ASPSCR1: variants seen among roughly 807,000 people sequenced by gnomAD.
ASPSCR1 encodes tether containing UBX domain for GLUT4.
Under a neutral mutation model 68.9 loss-of-function variants are expected in ASPSCR1, and 55 were observed. The observed-to-expected ratio is 0.80, with a 90% CI of 0.64 to 1.00. ASPSCR1 has a LOEUF of 1.00. Among genes scored for constraint, ASPSCR1 ranks in the 50% least tolerant of loss-of-function variants. The pLI, the probability that ASPSCR1 is intolerant of heterozygous loss-of-function variation, is 0.00. For synonymous variants in ASPSCR1, 352 were observed against 332.6 expected (o/e 1.06, Z -0.63); for missense variants, 765 against 762.2 (o/e 1.00, Z -0.04).
In ASPSCR1 at chr17:82,015,387, A is replaced by G. The variant is rs753383888; in HGVS notation, c.1354-1089A>G. The G allele has an allele frequency of 1.9e-6, 3 of 1,581,530 alleles. No homozygotes were observed. The African/African-American group carries it at 4.0e-5, about 21-fold the overall frequency. On this transcript the variant is annotated intron_variant, in intron 12 of 15. Coordinates refer to ENST00000306739, the MANE Select transcript of ASPSCR1 (RefSeq NM_024083.4). ...CTGCCTGGCTCAGTGCTCCCTGCAC[A>G]GAGGCGCAGACAGGGAGCCCAGGTG... is the stretch of plus-strand genomic sequence containing the variant.
rs766406184 is a variant in ASPSCR1 at position 82,011,609 on chromosome 17, C to T, written c.1300+4C>T. 4.2e-5 allele frequency: 68 copies of T among 1,601,914 alleles called. No homozygotes were observed. Among genetic ancestry groups the T allele is most frequent in the South Asian group, 2.1e-4 (19 of 89,590 alleles). On this transcript the variant is annotated splice_donor_region_variant and intron_variant, in intron 11 of 15. Transcript: ENST00000306739. ...CCCGAGCTGTCATTTTACCTGTGTA[C>T]GTTTTTTCTCCTGAGCCCACTCCTG...
At chr17:81,992,013 G>A (rs539378455) in intron 4 of ASPSCR1, among the ~76,000 whole-genome samples, 27 of 152,390 alleles carry the variant, frequency 1.8e-4, no homozygotes, top group African/African-American at 5.5e-4. Flanking sequence ...CCTCCTGGCC[G>A]TCCCGCTGGC....
rs76001977 is a variant in ASPSCR1 at position 82,003,735 on chromosome 17, G to A, written c.934-5302G>A. ...TCCTTTGTGCATGCCTGTCCACGCC[G>A]GTCGCAGCGGTCTCCCCACAGAGCC... On this transcript the variant is annotated intron_variant, in intron 7 of 15. Coordinates refer to ENST00000306739, the MANE Select transcript of ASPSCR1 (RefSeq NM_024083.4). Among the ~76,000 whole-genome samples the A allele has an allele frequency of 6.9e-4, 105 of 152,344 alleles. 1 individual carries two copies. The East Asian group carries it at 9.4e-3, about 14-fold the overall frequency.
intron 2 of ASPSCR1, among the ~76,000 whole-genome samples, chr17:81,979,931 A>G (rs903390904): frequency 1.3e-5 from 2 of 152,208 alleles, no homozygotes; most frequent in African/African-American, 2.4e-5. Flanking sequence ...GTGCGTGTCT[A>G]TCCCACACGC....
chr17:82,008,882 C>T, intron 7 of ASPSCR1, 155 bp from the exon 8 acceptor site: 1 of 1,102,480 alleles, frequency 9.1e-7, no homozygotes, highest in Admixed American at 3.3e-5. Flanking sequence ...GCCCTGCCCC[C>T]AGGACCTGGC....
At chr17:81,978,560 G>A (rs1245849164) in intron 1 of ASPSCR1, 2 of 152,146 alleles carry the variant, frequency 1.3e-5, no homozygotes, top group Non-Finnish European at 2.9e-5. Flanking sequence ...TTGAGCCTCT[G>A]CTGCGTGGGG....
At chr17:81,992,139 G>A (rs1261245679) in intron 4 of ASPSCR1, among the ~76,000 whole-genome samples, 1 of 152,250 alleles carries the variant, frequency 6.6e-6, no homozygotes, top group Non-Finnish European at 1.5e-5. Flanking sequence ...TTGCATTTCT[G>A]GCTTCGGAGC....
chr17:81,990,439 G>A lies in ASPSCR1; in HGVS notation c.375-4382G>A, dbSNP rs990216478. Among the ~76,000 whole-genome samples, 2 of 152,206 alleles carry A rather than the reference G, an allele frequency of 1.3e-5. No individual in the cohort carries two copies. The highest frequency in any genetic ancestry group is 2.4e-5 in the African/African-American group (1 of 41,448). On this transcript the variant is annotated intron_variant, in intron 4 of 15. Coordinates refer to ENST00000306739, the MANE Select transcript of ASPSCR1 (RefSeq NM_024083.4). This position sits in a 1 kb window ranked among gnomAD's most constrained non-coding sequence, Gnocchi z 4.1. The stretch of plus-strand genomic sequence containing the variant: ...AGCACAGAGGGGTGTGAACAGCCAC[G>A]CCGAGCTCTGGGGGACACTGCTCTC...
At chr17:81,982,556 A>G (rs546650705) in intron 2 of ASPSCR1, 2 of 151,922 alleles carry the variant, frequency 1.3e-5, no homozygotes, top group African/African-American at 4.8e-5. Context: ...CAATTTCCAG[A>G]CTCACTTTTC....
Position 81,996,826 on chromosome 17 carries a change from C to T in ASPSCR1, c.913C>T (p.Gln305Ter). 1 of 1,601,934 alleles carries T rather than the reference C, an allele frequency of 6.2e-7. No homozygotes were observed. Residue 305 changes from glutamine (Q) to a stop codon, truncating the protein, a stop_gained, in exon 7 of 16, where the codon CAG becomes TAG. Transcript: ENST00000306739. LOFTEE classifies it high-confidence loss of function. The stretch of plus-strand genomic sequence containing the variant: ...GCAGGAGCGGGAGCGGGATCCCCAG[C>T]AGGAGCAGGAGCGGGAGCGGGTAAA... ...QEQERERDPQ[Q>*]EQERERPVDR... is the part of the protein sequence containing the mutation.
intron 2 of ASPSCR1, among the ~76,000 whole-genome samples, chr17:81,981,320 C>T (rs1276200571): frequency 1.3e-5 from 2 of 152,126 alleles, no homozygotes; most frequent in Non-Finnish European, 2.9e-5. Context: ...GTCCCCTGGG[C>T]CAAGAGGAGG....
rs76496634 is a variant in ASPSCR1, at chr17:81,987,622, C to T, written c.374+2015C>T. On this transcript the variant is annotated intron_variant, in intron 4 of 15. Transcript: ENST00000306739. The surrounding 1 kb of genome is among the most constrained non-coding windows in gnomAD (Gnocchi z 5.6). ...CCGAGGGTGTCTGGAGAGGTGGGGC[C>T]GGCATTGTGGTAGCATAAGCCTCTT... 0.024 allele frequency among the ~76,000 whole-genome samples: 3,660 copies of T among 152,138 alleles called. 48 individuals are homozygous for T. The highest frequency in any genetic ancestry group is 0.038 in the East Asian group (194 of 5,168).
chr17:81,993,672 T>C (rs2144035378), intron 4 of ASPSCR1, among the ~76,000 whole-genome samples: 1 of 152,354 alleles, frequency 6.6e-6, no homozygotes, highest in Admixed American at 6.5e-5. Flanking sequence ...CACGTATGTC[T>C]CGACCTGGAC....
chr17:81,991,841 C>G (rs528321753), intron 4 of ASPSCR1, among the ~76,000 whole-genome samples: 1 of 152,246 alleles, frequency 6.6e-6, no homozygotes. Flanking sequence ...TGTTTGCGCC[C>G]GGCTTTGTCA....
chr17:82,012,174 G>C, intron 11 of ASPSCR1, 57 bp from the exon 12 acceptor site: 1 of 1,562,936 alleles, frequency 6.4e-7, no homozygotes. Context: ...TCCTTCGGGC[G>C]CATGGATGGG....
intron 9 of ASPSCR1, among the ~76,000 whole-genome samples, chr17:82,010,382 A>G (rs543940770): frequency 6.6e-6 from 1 of 151,754 alleles, no homozygotes; most frequent in South Asian, 2.1e-4. Flanking sequence ...ACAAAAAATT[A>G]GTCAGGAGAG....
Position 81,987,047 on chromosome 17 carries a change from G to A in ASPSCR1, c.374+1440G>A, listed in dbSNP as rs540686568. The stretch of plus-strand genomic sequence containing the variant: ...GAGCAAAGCCAAAGCCACGGGCAGG[G>A]GTGAGCGGGACCCGAGGCAGGAGAT... On this transcript the variant is annotated intron_variant, in intron 4 of 15. Coordinates refer to ENST00000306739, the MANE Select transcript of ASPSCR1 (RefSeq NM_024083.4). The surrounding 1 kb of genome is among the most constrained non-coding windows in gnomAD (Gnocchi z 5.6). Among the ~76,000 whole-genome samples, 1 of 152,214 alleles carries A rather than the reference G, an allele frequency of 6.6e-6. No individual in the cohort carries two copies. The highest frequency in any genetic ancestry group is 1.9e-4 in the East Asian group (1 of 5,162).
chr17:81,992,173 G>T (rs2042191259), intron 4 of ASPSCR1, among the ~76,000 whole-genome samples: 1 of 152,224 alleles, frequency 6.6e-6, no homozygotes, highest in Non-Finnish European at 1.5e-5. Context: ...GCTTGGCCTG[G>T]CCTGGGGTCC....
intron 12 of ASPSCR1, chr17:82,013,743 G>C (rs1220562979): frequency 6.5e-6 from 1 of 153,600 alleles, no homozygotes; most frequent in Non-Finnish European, 1.4e-5. Flanking sequence ...TTTCTGGGAG[G>C]GCTGGGAGGA....
Sources: gnomAD v4.1 joint callset for allele counts (sites outside exome capture counted in the v4.1 genomes callset) on GRCh38, gnomAD v4.1.1 for gene constraint, Gnocchi (gnomAD v3.1) non-coding constraint, MANE v1.5 for transcripts, NCBI Gene and HGNC (gene_info 2026-07-23, HGNC 2026-07-21) for gene names.